Variants in TBC1D19 observed in about 807,000 individuals in gnomAD.
The protein encoded by TBC1D19 is TBC1 domain family member 19.
TBC1D19 carries 60 observed loss-of-function variants against 89.0 expected under a neutral mutation model. The ratio of observed to expected loss-of-function variants is 0.67; its 90% CI spans 0.55 to 0.84. TBC1D19 has a LOEUF of 0.84. Among genes scored for constraint, TBC1D19 ranks in the 40% least tolerant of loss-of-function variants. The probability of loss-of-function intolerance (pLI) is 0.00; values close to 1 mark genes in which losing one functional copy is unlikely to be tolerated. For missense variants in TBC1D19, 500 were observed against 610.8 expected (o/e 0.82, Z 1.91); for synonymous variants, 189 against 199.7 (o/e 0.95, Z 0.45).
chr4:26,644,889 A>T (rs953679680), intron 7 of TBC1D19, among the ~76,000 whole-genome samples: 4 of 152,256 alleles, frequency 2.6e-5, no homozygotes, highest in Non-Finnish European at 5.9e-5. Flanking sequence ...CTCTTGAAGG[A>T]GAACTACAAA....
rs1297820729 is a variant in TBC1D19 at position 26,666,532 on chromosome 4, T to A, written c.664+127T>A. ...AAACTAAGCATGCTTTTGCCTCTCC[T>A]TGGTTACTGTTATTTATTGAATAGA... On this transcript the variant is annotated intron_variant, in intron 9 of 20. Coordinates refer to ENST00000264866, the MANE Select transcript of TBC1D19 (RefSeq NM_018317.4). 3 of 637,728 alleles carry A rather than the reference T, an allele frequency of 4.7e-6. No individual in the cohort carries two copies. The African/African-American group carries it at 5.5e-5, about 12-fold the overall frequency. The allele number at this position is 637,728 out of a possible 1,614,324, so 39.5% of individuals were successfully genotyped here.
intron 11 of TBC1D19, among the ~76,000 whole-genome samples, chr4:26,683,111 CAGG>C (rs1398501721): frequency 1.3e-5 from 2 of 152,032 alleles, no homozygotes; most frequent in African/African-American, 2.4e-5. Context: ...CTTTTACTAC[CAGG>C]AGTTCTTTGT....
intron 13 of TBC1D19, among the ~76,000 whole-genome samples, chr4:26,693,329 A>G (rs1479509546): frequency 6.6e-6 from 1 of 152,208 alleles, no homozygotes; most frequent in Non-Finnish European, 1.5e-5. Context: ...TAGATGTTGT[A>G]CTTAACCAAA....
the TBC1D19 span, among the ~76,000 whole-genome samples, chr4:26,783,971 C>A: frequency 2.0e-5 from 3 of 152,140 alleles, no homozygotes; most frequent in African/African-American, 7.2e-5. Flanking sequence ...TTGCCATCTC[C>A]AGAACTCCCC....
the TBC1D19 span, among the ~76,000 whole-genome samples, chr4:26,823,229 A>G: frequency 6.6e-6 from 1 of 152,274 alleles, no homozygotes; most frequent in East Asian, 1.9e-4. Flanking sequence ...CGTGAAACTT[A>G]TTCACTATTG....
chr4:26,739,100 A>T (rs62299027), intron 16 of TBC1D19, among the ~76,000 whole-genome samples: 54,765 of 152,008 alleles, frequency 0.36, 11,130 homozygotes, highest in Non-Finnish European at 0.46. Context: ...GCTTGAAAAG[A>T]TGGAAAGCAT....
chr4:26,696,129 G>A (rs200732040), intron 13 of TBC1D19, among the ~76,000 whole-genome samples: 2 of 152,122 alleles, frequency 1.3e-5, no homozygotes, highest in Non-Finnish European at 2.9e-5. Flanking sequence ...ATGTGCAGAG[G>A]CACACATAGG....
intron 1 of TBC1D19, among the ~76,000 whole-genome samples, chr4:26,602,561 C>A (rs1740690789): frequency 6.6e-6 from 1 of 150,750 alleles, no homozygotes; most frequent in Admixed American, 6.7e-5. Flanking sequence ...CTGCCTTAGC[C>A]TCCTGAGTAG....
At chr4:26,769,563 G>A in the TBC1D19 span, among the ~76,000 whole-genome samples, 1 of 147,070 alleles carries the variant, frequency 6.8e-6, no homozygotes, top group African/African-American at 2.5e-5. Context: ...TTTTTTTTGA[G>A]ACAGGGGCTT....
At chr4:26,819,234 G>A in the TBC1D19 span, among the ~76,000 whole-genome samples, 2 of 152,176 alleles carry the variant, frequency 1.3e-5, no homozygotes, top group Admixed American at 6.5e-5. Context: ...CCTCTCCCAG[G>A]GCAGTGGCCC....
chr4:26,683,598 C>G, intron 11 of TBC1D19, 77 bp from the exon 12 acceptor site: 8 of 1,157,600 alleles, frequency 6.9e-6, no homozygotes, highest in Non-Finnish European at 1.0e-5. Context: ...GTTTAGAATA[C>G]TATTATTATT....
chr4:26,665,606 G>T (rs1711736087), intron 8 of TBC1D19, among the ~76,000 whole-genome samples: 1 of 151,878 alleles, frequency 6.6e-6, no homozygotes, highest in Non-Finnish European at 1.5e-5. Context: ...TGGTCCAATT[G>T]TACTTAAAAA....
In TBC1D19 at chr4:26,605,124, A is replaced by C. The variant is rs1346002540; in HGVS notation, c.100-8045A>C. Among the ~76,000 whole-genome samples the C allele has an allele frequency of 4.0e-5, 6 of 151,470 alleles. No individual in the cohort carries two copies. In the East Asian group the frequency reaches 1.2e-3, roughly 29 times the overall value. On this transcript the variant is annotated intron_variant, in intron 1 of 20. Coordinates refer to ENST00000264866, the MANE Select transcript of TBC1D19 (RefSeq NM_018317.4). Reference sequence around the variant, plus strand: ...ATGTGCAGGTTAGTTACATATGTAGATATGTGCCATGCTGGTGTGCTGCAC... The same window carrying C: ...ATGTGCAGGTTAGTTACATATGTAGCTATGTGCCATGCTGGTGTGCTGCAC...
intron 1 of TBC1D19, among the ~76,000 whole-genome samples, chr4:26,598,131 T>C (rs965235228): frequency 1.3e-5 from 2 of 152,204 alleles, no homozygotes; most frequent in African/African-American, 4.8e-5. Context: ...TTCTTAACCA[T>C]ATTTTAATCG....
At chr4:26,850,790 A>C in the TBC1D19 span, among the ~76,000 whole-genome samples, 1 of 152,124 alleles carries the variant, frequency 6.6e-6, no homozygotes, top group Non-Finnish European at 1.5e-5. Flanking sequence ...TGGTACTTTT[A>C]TGCAGCCTGT....
intron 13 of TBC1D19, among the ~76,000 whole-genome samples, chr4:26,689,121 G>C (rs986879634): frequency 6.6e-6 from 1 of 151,998 alleles, no homozygotes. Context: ...ATGTGTTTAA[G>C]AGAGAATATA....
chr4:26,635,977 T>C (rs1262135850), intron 4 of TBC1D19, among the ~76,000 whole-genome samples: 1 of 152,130 alleles, frequency 6.6e-6, no homozygotes, highest in East Asian at 1.9e-4. Context: ...ATGATAGCTG[T>C]AGTAAAAGCC....
At chr4:26,840,172 C>T in the TBC1D19 span, among the ~76,000 whole-genome samples, 1 of 152,140 alleles carries the variant, frequency 6.6e-6, no homozygotes, top group East Asian at 1.9e-4. Context: ...ACCTCCGCCT[C>T]CTGGGTTCAA....
chr4:26,811,014 C>T, the TBC1D19 span, among the ~76,000 whole-genome samples: 5 of 152,120 alleles, frequency 3.3e-5, no homozygotes, highest in African/African-American at 9.7e-5. Flanking sequence ...GGTATATACC[C>T]AAAGGATTAT....
Sources: allele counts gnomAD v4.1 joint callset (sites outside exome capture counted in the v4.1 genomes callset), GRCh38; gene constraint gnomAD v4.1.1; transcripts MANE v1.5; gene names NCBI Gene and HGNC (gene_info 2026-07-23, HGNC 2026-07-21).